HACL1: variants seen among roughly 807,000 people sequenced by gnomAD.
The protein encoded by HACL1 is 2-hydroxyacyl-CoA lyase 1.
Under a neutral mutation model 74.2 loss-of-function variants are expected in HACL1, and 64 were observed. The observed-to-expected ratio is 0.86, with a 90% CI of 0.70 to 1.06. The LOEUF is 1.06. Ranked by LOEUF, HACL1 falls within the 50% of genes least tolerant of loss-of-function variation. HACL1 has a pLI of 0.00. For synonymous variants in HACL1, 230 were observed against 238.8 expected (o/e 0.96, Z 0.34); for missense variants, 728 against 719.7 (o/e 1.01, Z -0.13).
rs762732269 is a variant in HACL1, at chr3:15,563,445, T to C, written c.1617A>G (p.Gln539=). 3 of 1,611,994 alleles carry C rather than the reference T, an allele frequency of 1.9e-6. No homozygotes were observed. Among genetic ancestry groups the C allele is most frequent in the African/African-American group, 1.3e-5 (1 of 74,986 alleles). ...GYFVQTPEEL[Q]KSLRQSLADT... The stretch of plus-strand genomic sequence containing the variant: ...CTGCTAGGCTCTGCCTCAGGGATTT[T>C]TGGAGTTCTTCTGGTGTTTGTACAA... Residue 539 remains glutamine (Q), a synonymous_variant, in exon 16 of 17, where the codon CAA becomes CAG. Coordinates refer to ENST00000321169, the MANE Select transcript of HACL1 (RefSeq NM_012260.4).
chr3:15,586,506 T>C lies in HACL1; in HGVS notation c.459+19A>G. 1 of 1,376,154 alleles carries C rather than the reference T, an allele frequency of 7.3e-7. No individual in the cohort carries two copies. The allele number at this position is 1,376,154 out of a possible 1,614,324, so 85.2% of individuals were successfully genotyped here. A position where few individuals can be genotyped will look rare whatever the true frequency, so the allele number is the denominator to read the frequency against. ...AGAAAAATCAGTTGACTTGGAGAGC[T>C]TGTTATTAAATACTGTACCTTTTCA... On this transcript the variant is annotated intron_variant, in intron 6 of 16. Coordinates refer to ENST00000321169, the MANE Select transcript of HACL1 (RefSeq NM_012260.4).
intron 16 of HACL1, among the ~76,000 whole-genome samples, chr3:15,561,107 T>C (rs894216494): frequency 1.3e-5 from 2 of 152,218 alleles, no homozygotes; most frequent in East Asian, 1.9e-4. Context: ...AAAATGGCAT[T>C]CTGGGTCCTC....
chr3:15,590,034 CA>C (rs535218307), intron 4 of HACL1, among the ~76,000 whole-genome samples: 5 of 147,792 alleles, frequency 3.4e-5, no homozygotes, highest in Non-Finnish European at 7.4e-5. Context: ...GACTCTGTCT[CA>C]AAAAAAAAGA....
intron 1 of HACL1, 67 bp downstream of exon 1, chr3:15,601,316 C>T (rs2064226950): frequency 5.6e-6 from 9 of 1,606,062 alleles, no homozygotes; most frequent in Admixed American, 1.7e-5. Context: ...CTACTCGTCT[C>T]CAAGACAACA....
intron 8 of HACL1, among the ~76,000 whole-genome samples, chr3:15,581,108 G>T (rs2063709945): frequency 6.6e-6 from 1 of 152,164 alleles, no homozygotes; most frequent in Non-Finnish European, 1.5e-5. Flanking sequence ...CACCATGTTG[G>T]CCAGGATGGT....
intron 5 of HACL1, among the ~76,000 whole-genome samples, chr3:15,588,694 C>T (rs1371353091): frequency 6.6e-6 from 1 of 152,074 alleles, no homozygotes; most frequent in Non-Finnish European, 1.5e-5. Context: ...AGCAATTCTC[C>T]CTCCTCAGCC....
intron 2 of HACL1, 24 bp from the exon 3 acceptor site, chr3:15,596,448 T>A: frequency 6.7e-7 from 1 of 1,486,784 alleles, no homozygotes; most frequent in Admixed American, 1.7e-5. Flanking sequence ...ACACTGGGAC[T>A]TGAGCATATT....
At chr3:15,598,790 G>C (rs1030260863) in intron 2 of HACL1, among the ~76,000 whole-genome samples, 5 of 152,174 alleles carry the variant, frequency 3.3e-5, no homozygotes, top group Non-Finnish European at 7.3e-5. Context: ...ACTACCCTTA[G>C]TTCAGGTACC....
At chr3:15,565,393 T>C (rs1053295038) in intron 14 of HACL1, among the ~76,000 whole-genome samples, 1 of 152,170 alleles carries the variant, frequency 6.6e-6, no homozygotes, top group East Asian at 1.9e-4. Context: ...TCTTGCTAGA[T>C]GCTGTGGAAG....
At chr3:15,570,509 A>T (rs2063508512) in intron 12 of HACL1, among the ~76,000 whole-genome samples, 3 of 151,442 alleles carry the variant, frequency 2.0e-5, no homozygotes, top group Admixed American at 6.6e-5. Context: ...CCAGTAAGAA[A>T]CACTGGTGGA....
chr3:15,564,000 C>T (rs1048665890), intron 15 of HACL1, among the ~76,000 whole-genome samples: 2 of 151,998 alleles, frequency 1.3e-5, no homozygotes, highest in Non-Finnish European at 2.9e-5. Flanking sequence ...TGCAAAACAA[C>T]AAATAATAAG....
chr3:15,599,946 A>G (rs2064155855), intron 2 of HACL1, among the ~76,000 whole-genome samples: 1 of 152,214 alleles, frequency 6.6e-6, no homozygotes, highest in Non-Finnish European at 1.5e-5. Flanking sequence ...CAATAGCTTC[A>G]TTTTTTCACA....
intron 3 of HACL1, among the ~76,000 whole-genome samples, chr3:15,595,533 G>GA (rs2064041155): frequency 6.7e-6 from 1 of 150,164 alleles, no homozygotes; most frequent in Non-Finnish European, 1.5e-5. Flanking sequence ...ATAGATAAGG[G>GA]AAAAAACTGG....
At chr3:15,587,281 G>T (rs1029778749) in intron 5 of HACL1, among the ~76,000 whole-genome samples, 13 of 135,820 alleles carry the variant, frequency 9.6e-5, no homozygotes, top group African/African-American at 3.1e-4. Flanking sequence ...CAGATACTTG[G>T]ATTCTTTCTC....
At chr3:15,586,024 T>G (rs1480573553) in intron 6 of HACL1, among the ~76,000 whole-genome samples, 2 of 152,168 alleles carry the variant, frequency 1.3e-5, no homozygotes, top group African/African-American at 4.8e-5. Flanking sequence ...TATTTAGACT[T>G]GGGTCACATC....
At chr3:15,591,309 T>G (rs1204364709) in intron 4 of HACL1, among the ~76,000 whole-genome samples, 1 of 152,176 alleles carries the variant, frequency 6.6e-6, no homozygotes, top group Non-Finnish European at 1.5e-5. Flanking sequence ...AAATTTACTC[T>G]CTTTGCAAAT....
intron 14 of HACL1, among the ~76,000 whole-genome samples, 161 bp downstream of exon 14, chr3:15,567,683 A>G (rs906176010): frequency 2.0e-5 from 3 of 152,244 alleles, no homozygotes; most frequent in African/African-American, 7.2e-5. Context: ...TGGAAGAGAA[A>G]GACCGTGGGT....
intron 9 of HACL1, among the ~76,000 whole-genome samples, chr3:15,577,923 C>A (rs1000940295): frequency 6.6e-6 from 1 of 151,746 alleles, no homozygotes; most frequent in African/African-American, 2.4e-5. Flanking sequence ...ACAGTGAAAC[C>A]CCATCTCTAC....
At chr3:15,592,172 A>C (rs144035752) in intron 3 of HACL1, among the ~76,000 whole-genome samples, 2 of 133,088 alleles carry the variant, frequency 1.5e-5, no homozygotes, top group African/African-American at 6.3e-5. Flanking sequence ...GTATACATGC[A>C]TGTATATATG....
Sources: gnomAD v4.1 joint callset for allele counts (sites outside exome capture counted in the v4.1 genomes callset) on GRCh38, gnomAD v4.1.1 for gene constraint, MANE v1.5 for transcripts, NCBI Gene and HGNC (gene_info 2026-07-23, HGNC 2026-07-21) for gene names.